SYT1: variants seen among roughly 807,000 people sequenced by gnomAD.
SYT1 encodes synaptotagmin-1.
In SYT1, 8 loss-of-function variants were observed where a neutral mutation model predicts 44.8. The ratio of observed to expected loss-of-function variants is 0.18; its 90% confidence interval spans 0.10 to 0.32. The LOEUF is 0.32. SYT1 is among the 10% of genes least tolerant of loss of function. The pLI, the probability that SYT1 is intolerant of heterozygous loss-of-function variation, is 1.00. For missense variants in SYT1, 286 were observed against 509.3 expected (o/e 0.56, Z 4.22); for synonymous variants, 154 against 188.8 (o/e 0.82, Z 1.51).
chr12:79,363,580 A>T (rs1183126823), intron 9 of SYT1, among the ~76,000 whole-genome samples: 1 of 151,484 alleles, frequency 6.6e-6, no homozygotes, highest in East Asian at 1.9e-4. Flanking sequence ...ATTAAAAAAA[A>T]AAAAAATAGC....
intron 4 of SYT1, among the ~76,000 whole-genome samples, chr12:79,281,840 C>T (rs1592927439): frequency 6.6e-6 from 1 of 152,104 alleles, no homozygotes; most frequent in East Asian, 1.9e-4. Context: ...TCATAAAAGC[C>T]ACACACATTT....
intron 1 of SYT1, among the ~76,000 whole-genome samples, chr12:78,953,786 T>C (rs1483798478): frequency 6.6e-6 from 1 of 151,868 alleles, no homozygotes; most frequent in East Asian, 1.9e-4. Context: ...AAGGAAGGAA[T>C]ATGTGGGAGA....
At chr12:78,997,387 T>C (rs1177881382) in intron 2 of SYT1, among the ~76,000 whole-genome samples, 1 of 152,230 alleles carries the variant, frequency 6.6e-6, no homozygotes, top group Non-Finnish European at 1.5e-5. Context: ...TTATGTATCA[T>C]GTTATTCCCA....
chr12:79,216,056 C>G (rs1005080337), intron 3 of SYT1, among the ~76,000 whole-genome samples: 1 of 149,724 alleles, frequency 6.7e-6, no homozygotes, highest in Non-Finnish European at 1.5e-5. Context: ...CTCAGCCTCC[C>G]GACTATCTGG....
intron 3 of SYT1, among the ~76,000 whole-genome samples, chr12:79,216,252 T>A (rs1874798156): frequency 2.6e-5 from 4 of 152,186 alleles, no homozygotes; most frequent in Admixed American, 2.6e-4. Context: ...TTTAAAAAAA[T>A]CTTGTTTGCT....
chr12:78,951,464 A>G (rs1227332935), intron 1 of SYT1, among the ~76,000 whole-genome samples: 1 of 152,186 alleles, frequency 6.6e-6, no homozygotes, highest in Non-Finnish European at 1.5e-5. Context: ...GTGAAAATAT[A>G]GTCCAAAGTT....
intron 9 of SYT1, among the ~76,000 whole-genome samples, chr12:79,383,345 A>T (rs974866678): frequency 6.6e-6 from 1 of 152,218 alleles, no homozygotes; most frequent in African/African-American, 2.4e-5. Context: ...TTTAAAACAC[A>T]TCATTATAAT....
chr12:78,873,534 T>A (rs1278972409), intron 1 of SYT1, among the ~76,000 whole-genome samples: 1 of 151,664 alleles, frequency 6.6e-6, no homozygotes, highest in Non-Finnish European at 1.5e-5. Flanking sequence ...ATCACTGTGA[T>A]GTTAGATAAG....
At chr12:79,353,681 T>C (rs920862259) in intron 9 of SYT1, 62 bp downstream of exon 9, 1 of 1,192,124 alleles carries the variant, frequency 8.4e-7, no homozygotes, top group Non-Finnish European at 1.3e-6. Context: ...ACCAAATGCA[T>C]GGCGCACATG....
intron 3 of SYT1, among the ~76,000 whole-genome samples, chr12:79,112,410 G>A (rs942218773): frequency 1.3e-5 from 2 of 152,074 alleles, no homozygotes; most frequent in African/African-American, 4.8e-5. Context: ...GAATATAAGA[G>A]TGAAATATTA....
chr12:79,361,090 CA>C (rs1477169436), intron 9 of SYT1, among the ~76,000 whole-genome samples: 1 of 152,172 alleles, frequency 6.6e-6, no homozygotes, highest in Non-Finnish European at 1.5e-5. Flanking sequence ...AATCAGTCAA[CA>C]AACATCATGT....
chr12:79,366,980 G>C (rs772445164), intron 9 of SYT1, among the ~76,000 whole-genome samples: 5 of 148,964 alleles, frequency 3.4e-5, no homozygotes, highest in Non-Finnish European at 7.4e-5. Flanking sequence ...TTGGATGGCA[G>C]TTAACTGCTT....
chr12:78,927,406 A>G (rs1039868796), intron 1 of SYT1, among the ~76,000 whole-genome samples: 25 of 152,130 alleles, frequency 1.6e-4, no homozygotes, highest in Non-Finnish European at 3.2e-4. Flanking sequence ...AACTTTCTAA[A>G]CAATTGAACT....
chr12:78,940,917 A>C (rs189462419), intron 1 of SYT1, among the ~76,000 whole-genome samples: 1 of 152,076 alleles, frequency 6.6e-6, no homozygotes, highest in Non-Finnish European at 1.5e-5. Context: ...AACATTGAAA[A>C]CGTATGTGTG....
chr12:79,014,155 A>G (rs953633184), intron 2 of SYT1, among the ~76,000 whole-genome samples: 19 of 148,952 alleles, frequency 1.3e-4, no homozygotes, highest in African/African-American at 4.8e-4. Flanking sequence ...AAAAAAAAAG[A>G]AAGAAAAAGG....
At chr12:79,268,303 A>T (rs571401802) in intron 4 of SYT1, among the ~76,000 whole-genome samples, 1 of 152,338 alleles carries the variant, frequency 6.6e-6, no homozygotes, top group South Asian at 2.1e-4. Flanking sequence ...CATCGAAAAA[A>T]TTGTATTCAT....
At chr12:79,098,559 A>G (rs1878277953) in intron 3 of SYT1, among the ~76,000 whole-genome samples, 1 of 152,152 alleles carries the variant, frequency 6.6e-6, no homozygotes, top group African/African-American at 2.4e-5. Context: ...TCAATTAAAT[A>G]TATTAAAGTA....
At chr12:79,220,905 A>T (rs1875120775) in intron 4 of SYT1, among the ~76,000 whole-genome samples, 1 of 152,148 alleles carries the variant, frequency 6.6e-6, no homozygotes, top group South Asian at 2.1e-4. Context: ...TGTATTCTGT[A>T]GCTGTTGGAC....
intron 7 of SYT1, among the ~76,000 whole-genome samples, chr12:79,297,349 T>A (rs1475774785): frequency 6.6e-6 from 1 of 152,182 alleles, no homozygotes; most frequent in Non-Finnish European, 1.5e-5. Context: ...ATAGTCAACA[T>A]ACTACGAAAC....
Sources: allele counts gnomAD v4.1 joint callset (sites outside exome capture counted in the v4.1 genomes callset), GRCh38; gene constraint gnomAD v4.1.1; transcripts MANE v1.5; gene names NCBI Gene and HGNC (gene_info 2026-07-23, HGNC 2026-07-21).